MALRD1: variants seen among roughly 807,000 people sequenced by gnomAD.
The protein encoded by MALRD1 is MAM and LDL receptor class A domain containing 1, also known as MAM and LDL-receptor class A domain-containing protein 1.
In MALRD1, 247 loss-of-function variants were observed where a neutral mutation model predicts 242.1. The observed-to-expected ratio is 1.02, with a 90% CI of 0.92 to 1.13. The LOEUF is 1.13. MALRD1 is among the 50% of genes most tolerant of loss of function. The probability of loss-of-function intolerance (pLI) is 0.00; values close to 1 mark genes in which losing one functional copy is unlikely to be tolerated. For missense variants in MALRD1, 2,989 were observed against 2,533.1 expected (o/e 1.18, Z -3.86); for synonymous variants, 995 against 866.6 (o/e 1.15, Z -2.60).
intron 28 of MALRD1, among the ~76,000 whole-genome samples, chr10:19,394,156 T>C (rs751846524): frequency 3.3e-5 from 5 of 152,190 alleles, no homozygotes; most frequent in Admixed American, 1.3e-4. Context: ...CCTCCTGATA[T>C]AGCAACCTAG....
At chr10:19,236,716 A>G (rs1453128898) in intron 18 of MALRD1, among the ~76,000 whole-genome samples, 1 of 152,122 alleles carries the variant, frequency 6.6e-6, no homozygotes, top group Admixed American at 6.6e-5. Flanking sequence ...TTCAGCTGTA[A>G]TTTTCCAAAT....
chr10:19,103,602 A>T (rs1031460318), intron 4 of MALRD1, among the ~76,000 whole-genome samples: 1 of 152,064 alleles, frequency 6.6e-6, no homozygotes, highest in Non-Finnish European at 1.5e-5. Context: ...GGAAGATGGG[A>T]CACAATTGCA....
intron 13 of MALRD1, among the ~76,000 whole-genome samples, chr10:19,173,583 T>C (rs1242720580): frequency 6.6e-6 from 1 of 152,212 alleles, no homozygotes; most frequent in Non-Finnish European, 1.5e-5. Context: ...TATTATCTGA[T>C]TAATTTGTTG....
chr10:19,442,384 C>A (rs565271422), intron 28 of MALRD1, among the ~76,000 whole-genome samples: 1 of 152,226 alleles, frequency 6.6e-6, no homozygotes, highest in East Asian at 1.9e-4. Flanking sequence ...AGAGGGCATC[C>A]CTGTCTTGTG....
chr10:19,327,594 A>T lies in MALRD1; in HGVS notation c.3608A>T (p.Lys1203Ile). The part of the protein sequence containing the change: ...VLIKKDNVTS[K>I]LWAQTGQQGA... Reference sequence around the variant, plus strand: ...ATCAAGAAAGATAACGTTACTTCTAAATTGTGGGCTCAAACTGGACAGCAA... The same window carrying T: ...ATCAAGAAAGATAACGTTACTTCTATATTGTGGGCTCAAACTGGACAGCAA... The change falls in exon 23 of 40, where the codon AAA becomes ATA. Residue 1203 changes from lysine to isoleucine, a missense_variant. Physicochemically the swap from Lys to Ile is moderately radical, Grantham distance 102. Transcript: ENST00000454679. 1 of 1,549,928 alleles carries T rather than the reference A, an allele frequency of 6.5e-7. No homozygotes were observed. Among genetic ancestry groups the T allele is most frequent in the Non-Finnish European group, 8.7e-7 (1 of 1,146,376 alleles).
chr10:19,315,758 A>G (rs923362315), intron 21 of MALRD1, among the ~76,000 whole-genome samples: 1 of 140,446 alleles, frequency 7.1e-6, no homozygotes, highest in Non-Finnish European at 1.5e-5. Context: ...CTAATATGTA[A>G]TATATATGTA....
chr10:19,214,497 G>C (rs1251700244), intron 18 of MALRD1, among the ~76,000 whole-genome samples: 1 of 152,160 alleles, frequency 6.6e-6, no homozygotes, highest in Non-Finnish European at 1.5e-5. Context: ...CATTGAACTT[G>C]CTTAAGATAA....
intron 19 of MALRD1, among the ~76,000 whole-genome samples, chr10:19,270,104 C>T (rs550612489): frequency 6.6e-6 from 1 of 152,236 alleles, no homozygotes; most frequent in African/African-American, 2.4e-5. Context: ...CACCTGAGGT[C>T]AGGAGTTTGA....
intron 21 of MALRD1, among the ~76,000 whole-genome samples, chr10:19,290,825 C>T (rs55964332): frequency 6.6e-5 from 10 of 152,080 alleles, no homozygotes; most frequent in African/African-American, 2.4e-4. Context: ...TTTAAATATA[C>T]TTAGAATACT....
chr10:19,729,932 T>C (rs1257618212), intron 38 of MALRD1, among the ~76,000 whole-genome samples: 2 of 150,436 alleles, frequency 1.3e-5, no homozygotes, highest in Admixed American at 1.3e-4. Context: ...AGAGACGGGG[T>C]TTCACCGTGT....
At chr10:19,464,318 C>G (rs747414113) in intron 29 of MALRD1, among the ~76,000 whole-genome samples, 24 of 152,054 alleles carry the variant, frequency 1.6e-4, no homozygotes, top group Non-Finnish European at 5.9e-5. Flanking sequence ...TCCGATGTTA[C>G]CTTCTAGAAT....
intron 32 of MALRD1, among the ~76,000 whole-genome samples, chr10:19,543,790 G>C (rs1199319967): frequency 6.6e-6 from 1 of 152,016 alleles, no homozygotes. Context: ...CCCTGTTTTT[G>C]CCTTTACAAA....
intron 19 of MALRD1, among the ~76,000 whole-genome samples, chr10:19,279,834 A>G (rs1278420071): frequency 6.6e-6 from 1 of 152,176 alleles, no homozygotes; most frequent in Non-Finnish European, 1.5e-5. Flanking sequence ...TTCCATCTGT[A>G]CCATCATCAT....
chr10:19,595,543 C>G, intron 34 of MALRD1, 86 bp downstream of exon 34: 1 of 1,370,838 alleles, frequency 7.3e-7, no homozygotes, highest in Non-Finnish European at 9.8e-7. Context: ...AAATGAAGTT[C>G]TCTAGAGCCT....
At chr10:19,502,509 CTTA>C (rs1838021522) in intron 31 of MALRD1, among the ~76,000 whole-genome samples, 1 of 151,930 alleles carries the variant, frequency 6.6e-6, no homozygotes, top group African/African-American at 2.4e-5. Flanking sequence ...TTTATAAAAT[CTTA>C]TTATAAACAT....
intron 33 of MALRD1, among the ~76,000 whole-genome samples, chr10:19,577,663 C>G (rs1001137628): frequency 6.6e-5 from 10 of 152,034 alleles, no homozygotes; most frequent in African/African-American, 2.4e-4. Flanking sequence ...AATCACTGTC[C>G]CAACACTCTG....
Position 19,731,381 on chromosome 10 carries a change from C to CAAAT in MALRD1, c.6390+603_6390+604insTAAA, listed in dbSNP as rs140758838. Among the ~76,000 whole-genome samples the CAAAT allele has an allele frequency of 2.4e-3, 361 of 152,008 alleles. 10 individuals carry two copies. The East Asian group carries it at 0.051, about 22-fold the overall frequency. ...TTAAGTCATTTTTAGGTATAGTTGA[C>CAAAT]AAAACTTTTATATGTTTAAGGTATA... On this transcript the variant is annotated intron_variant, in intron 39 of 39. Transcript: ENST00000454679.
chr10:19,610,463 C>T (rs758818951), intron 35 of MALRD1, among the ~76,000 whole-genome samples: 22 of 151,828 alleles, frequency 1.4e-4, no homozygotes, highest in Non-Finnish European at 2.1e-4. Flanking sequence ...TCCTGCAGTC[C>T]CTGTGCCAGG....
chr10:19,628,280 G>A (rs979198947), intron 36 of MALRD1, among the ~76,000 whole-genome samples: 3 of 152,030 alleles, frequency 2.0e-5, no homozygotes, highest in South Asian at 2.1e-4. Context: ...TAATATACAC[G>A]TTCCTTAATT....
Sources: allele counts gnomAD v4.1 joint callset (sites outside exome capture counted in the v4.1 genomes callset), GRCh38; gene constraint gnomAD v4.1.1; transcripts MANE v1.5; gene names NCBI Gene and HGNC (gene_info 2026-07-23, HGNC 2026-07-21).